KLF12: variants seen among roughly 807,000 people sequenced by gnomAD.
The protein encoded by KLF12 is KLF transcription factor 12.
KLF12 carries 9 observed loss-of-function variants against 37.8 expected under a neutral mutation model. The observed-to-expected ratio is 0.24, with a 90% CI of 0.14 to 0.42. The LOEUF is 0.42. Ranked by LOEUF, KLF12 falls within the 10% of genes least tolerant of loss-of-function variation. KLF12 has a pLI of 1.00. For synonymous variants in KLF12, 208 were observed against 202.1 expected (o/e 1.03, Z -0.25); for missense variants, 411 against 516.0 (o/e 0.80, Z 1.97).
chr13:74,271,195 C>A, the KLF12 span, among the ~76,000 whole-genome samples: 1 of 152,126 alleles, frequency 6.6e-6, no homozygotes, highest in Non-Finnish European at 1.5e-5. Context: ...CCGAAACCAT[C>A]CCTCCCACCC....
chr13:74,020,844 T>A (rs1246369813), intron 1 of KLF12, among the ~76,000 whole-genome samples: 1 of 147,420 alleles, frequency 6.8e-6, no homozygotes, highest in African/African-American at 2.5e-5. Context: ...TGAGTGAAGA[T>A]CACGCCACTG....
intron 6 of KLF12, among the ~76,000 whole-genome samples, chr13:73,752,157 A>AT (rs1184636694): frequency 6.6e-6 from 1 of 151,876 alleles, no homozygotes; most frequent in Non-Finnish European, 1.5e-5. Flanking sequence ...TAATTTTTGT[A>AT]TTTTTTGTAG....
At chr13:73,803,535 T>C (rs1293346628) in intron 5 of KLF12, among the ~76,000 whole-genome samples, 1 of 152,128 alleles carries the variant, frequency 6.6e-6, no homozygotes, top group African/African-American at 2.4e-5. Context: ...AGCACTTACC[T>C]TCTCCAGGGA....
At chr13:74,099,138 A>C (rs1329670051) in intron 1 of KLF12, among the ~76,000 whole-genome samples, 2 of 152,204 alleles carry the variant, frequency 1.3e-5, no homozygotes, top group East Asian at 1.9e-4. Flanking sequence ...GCTTGAGGCC[A>C]GTAGTTCAAG....
chr13:73,822,895 T>C (rs1260944970), intron 4 of KLF12, among the ~76,000 whole-genome samples: 1 of 152,224 alleles, frequency 6.6e-6, no homozygotes, highest in East Asian at 1.9e-4. Flanking sequence ...CCCATAACCT[T>C]TGCCTTTTGT....
At chr13:73,964,448 A>T (rs1891115186) in intron 2 of KLF12, among the ~76,000 whole-genome samples, 1 of 152,094 alleles carries the variant, frequency 6.6e-6, no homozygotes, top group South Asian at 2.1e-4. Flanking sequence ...TAGCAAAACC[A>T]CCGCTCAATT....
the KLF12 span, among the ~76,000 whole-genome samples, chr13:74,201,916 G>A: frequency 1.3e-5 from 2 of 152,122 alleles, no homozygotes; most frequent in East Asian, 3.8e-4. Flanking sequence ...GTCATATGGT[G>A]GCCCTGTGTT....
chr13:73,931,269 C>T (rs1163199673), intron 3 of KLF12, among the ~76,000 whole-genome samples: 1 of 152,152 alleles, frequency 6.6e-6, no homozygotes, highest in African/African-American at 2.4e-5. Flanking sequence ...ATATTGTGTA[C>T]TATGCTAAGT....
chr13:73,881,966 C>A (rs944765221), intron 3 of KLF12, among the ~76,000 whole-genome samples: 1 of 151,964 alleles, frequency 6.6e-6, no homozygotes, highest in Non-Finnish European at 1.5e-5. Context: ...TCCATACAAC[C>A]CAAAATAAAC....
chr13:74,217,923 C>T, the KLF12 span, among the ~76,000 whole-genome samples: 1 of 152,202 alleles, frequency 6.6e-6, no homozygotes, highest in South Asian at 2.1e-4. Context: ...AACCCCAACT[C>T]TTCCATATAT....
chr13:73,788,906 A>C (rs1260841577), intron 5 of KLF12, among the ~76,000 whole-genome samples: 7 of 152,216 alleles, frequency 4.6e-5, no homozygotes, highest in African/African-American at 1.7e-4. Context: ...CAGTATGGTA[A>C]GTCTCAGCAA....
rs924203068 is a variant in KLF12, at chr13:73,689,358, G to A, written c.*6132C>T. ...TCTAAAGCCTGAATGTTTAATCACA[G>A]TCCTACTTTTAAAATTGCCCTTACC... is the stretch of plus-strand genomic sequence containing the variant. On this transcript the variant is annotated 3_prime_UTR_variant, in exon 8 of 8. Coordinates refer to ENST00000377669, the MANE Select transcript of KLF12 (RefSeq NM_007249.5). The A allele has an allele frequency of 1.3e-5, 2 of 152,062 alleles. No homozygotes were observed. The highest frequency in any genetic ancestry group is 2.9e-5 in the Non-Finnish European group (2 of 68,038). 9.4% of individuals were successfully genotyped at this position (152,062 alleles called of 1,614,324 possible). A position where few individuals can be genotyped will look rare whatever the true frequency, so the allele number is the denominator to read the frequency against.
chr13:73,794,776 C>G (rs1881871237), intron 5 of KLF12, among the ~76,000 whole-genome samples: 1 of 152,076 alleles, frequency 6.6e-6, no homozygotes, highest in Non-Finnish European at 1.5e-5. Context: ...GAATATTTTC[C>G]AGAGTGCAAA....
intron 1 of KLF12, among the ~76,000 whole-genome samples, chr13:74,021,050 T>C (rs2138423179): frequency 6.6e-6 from 1 of 152,254 alleles, no homozygotes; most frequent in East Asian, 1.9e-4. Flanking sequence ...AAGCAAATTC[T>C]ACCTTGGAGA....
the KLF12 span, among the ~76,000 whole-genome samples, chr13:74,253,675 A>G: frequency 1.9e-4 from 29 of 152,358 alleles, no homozygotes; most frequent in South Asian, 5.6e-3. Flanking sequence ...ACATAGAGCT[A>G]TCTATCTGCT....
chr13:74,216,228 T>C, the KLF12 span, among the ~76,000 whole-genome samples: 1 of 152,220 alleles, frequency 6.6e-6, no homozygotes, highest in Non-Finnish European at 1.5e-5. Flanking sequence ...AAAAAAACTT[T>C]TAAAAAGTCT....
chr13:73,910,345 G>A (rs59425833), intron 3 of KLF12, among the ~76,000 whole-genome samples: 7,163 of 152,078 alleles, frequency 0.047, 396 homozygotes, highest in African/African-American at 0.13. Flanking sequence ...TAGAACTCAC[G>A]TGTTCTAGTA....
At chr13:73,850,034 A>T (rs66662088) in intron 3 of KLF12, among the ~76,000 whole-genome samples, 42,363 of 152,090 alleles carry the variant, frequency 0.28, 6,182 homozygotes, top group East Asian at 0.44. Flanking sequence ...TTGAAAAGGT[A>T]CACTGTAAAA....
the KLF12 span, among the ~76,000 whole-genome samples, chr13:74,275,019 A>G: frequency 1.3e-5 from 2 of 152,146 alleles, no homozygotes; most frequent in East Asian, 1.9e-4. Flanking sequence ...CTTTCTTAGT[A>G]CTTTCATACT....
Sources: allele counts gnomAD v4.1 joint callset (sites outside exome capture counted in the v4.1 genomes callset), GRCh38; gene constraint gnomAD v4.1.1; transcripts MANE v1.5; gene names NCBI Gene and HGNC (gene_info 2026-07-23, HGNC 2026-07-21).